CFP: variants seen among roughly 807,000 people sequenced by gnomAD.
CFP encodes the protein complement factor properdin, also known as properdin.
CFP carries 14 observed loss-of-function variants against 42.1 expected under a neutral mutation model. The observed-to-expected ratio is 0.33, with a 90% CI of 0.22 to 0.52. CFP has a LOEUF of 0.52. Ranked by LOEUF, CFP falls within the 20% of genes least tolerant of loss-of-function variation. The probability of loss-of-function intolerance (pLI) is 0.96; values close to 1 mark genes in which losing one functional copy is unlikely to be tolerated. For missense variants in CFP, 318 were observed against 400.4 expected, an observed-to-expected ratio of 0.79 and a Z score of 1.76; for synonymous variants, 149 against 160.6, an observed-to-expected ratio of 0.93 and a Z score of 0.54.
At position 47,623,758 on chromosome X, in the gene CFP, A is replaced by G. The variant is rs2057956690; in HGVS notation, c.*517T>C. On this transcript the variant is annotated 3_prime_UTR_variant, in exon 9 of 9. Transcript: ENST00000396992. ...GGGCGGCAGGGTGCCAGCCTCGGCC[A>G]CGCCTCTGCCGTTCATCCTCGACTG... 4 of 121,412 alleles carry G rather than the reference A, an allele frequency of 3.3e-5. No individual in the cohort carries two copies. The highest frequency in any genetic ancestry group is 1.3e-4 in the African/African-American group (4 of 31,157). The allele number at this position is 121,412 out of a possible 1,213,427, so 10.0% of individuals were successfully genotyped here.
Position 47,629,505 on chromosome X carries a change from A to AC in CFP, c.227+18dup. The AC allele has an allele frequency of 3.6e-6, 1 of 281,209 alleles. No individual in the cohort carries two copies. The highest frequency in any genetic ancestry group is 6.4e-5 in the Admixed American group (1 of 15,575). 23.2% of individuals were successfully genotyped at this position (281,209 alleles called of 1,213,427 possible). On this transcript the variant is annotated intron_variant, in intron 2 of 8. Transcript: ENST00000396992. ...AGTCCTTCCCTCCCCCCCATCCCCC[A>AC]CCCCAGGCTCCCCCTAACCTGCAAG...
At chrX:47,628,799 C>T (rs2057979457) in intron 2 of CFP, 2 of 237,189 alleles carry the variant, frequency 8.4e-6, no homozygotes, top group Non-Finnish European at 1.6e-5. Flanking sequence ...CCCAAGCTCC[C>T]CATGCCCACG....
intron 2 of CFP, 35 bp downstream of exon 2, chrX:47,629,489 C>A (rs2057981781): frequency 2.0e-4 from 134 of 654,145 alleles, no homozygotes; most frequent in Non-Finnish European, 2.9e-4. Flanking sequence ...CAGTCCTTCC[C>A]TCCCCCCCAT....
Position 47,627,306 on chromosome X carries a change from G to A in CFP, c.601C>T (p.Pro201Ser), listed in dbSNP as rs1486754166. ...CAGGAGGCTGAGCAGGGGGTCCAGGGGCCCCAGGTGGCCCAGGCCCCGTGT... is the reference window on the plus strand; with the variant it reads ...CAGGAGGCTGAGCAGGGGGTCCAGGAGCCCCAGGTGGCCCAGGCCCCGTGT... ...PTHGAWATWG[P>S]WTPCSASCHG... is the part of the protein sequence containing the mutation. The change falls in exon 5 of 9, where the codon CCC becomes TCC. Residue 201 changes from proline (P) to serine (S), a missense_variant. Pro to Ser is a moderately conservative substitution (Grantham distance 74). Transcript: ENST00000396992. The A allele has an allele frequency of 8.3e-7, 1 of 1,198,946 alleles. No homozygotes were observed. Among genetic ancestry groups the A allele is most frequent in the Non-Finnish European group, 1.1e-6 (1 of 887,958 alleles).
chrX:47,629,289 C>G (rs2057981126), intron 2 of CFP: 2 of 397,133 alleles, frequency 5.0e-6, no homozygotes, highest in Admixed American at 4.4e-5. Flanking sequence ...TAGTGGAAGG[C>G]TAGGGGTGTT....
At chrX:47,629,084 A>G in intron 2 of CFP, 1 of 159,036 alleles carries the variant, frequency 6.3e-6, no homozygotes. Context: ...AATAAACATG[A>G]GCTGTCATCA....
chrX:47,627,987 T>G, intron 3 of CFP, 115 bp downstream of exon 3: 1 of 904,845 alleles, frequency 1.1e-6, no homozygotes, highest in Admixed American at 2.6e-5. Flanking sequence ...ACCACTCTCC[T>G]CCTTAGGTCC....
chrX:47,626,547 G>T (rs2057969254), intron 6 of CFP, 28 bp from the exon 7 acceptor site: 1 of 1,202,877 alleles, frequency 8.3e-7, no homozygotes, highest in Non-Finnish European at 1.1e-6. Context: ...CAGGGGATTG[G>T]ACCAAAGCAG....
chrX:47,624,162 T>C lies in CFP; in HGVS notation c.*113A>G. On this transcript the variant is annotated 3_prime_UTR_variant, in exon 9 of 9. Transcript: ENST00000396992. ...CCTATGAGATGCTATCACCCTACTT[T>C]TGGGGAAGGGGATAGGTTGTTTTTC... The C allele has an allele frequency of 1.2e-6, 1 of 843,073 alleles. No homozygotes were observed. Among genetic ancestry groups the C allele is most frequent in the Non-Finnish European group, 1.8e-6 (1 of 563,254 alleles). 69.5% of individuals were successfully genotyped at this position (843,073 alleles called of 1,213,427 possible).
In CFP at chrX:47,624,038, C is replaced by T; in HGVS notation, c.*237G>A. On this transcript the variant is annotated 3_prime_UTR_variant, in exon 9 of 9. Transcript: ENST00000396992. ...TGGCAGCGGCGGGGAGAGGCTGGGA[C>T]TGCACACTCGCTTTCACTCCTGCCA... The T allele has an allele frequency of 2.4e-6, 1 of 421,424 alleles. No individual in the cohort carries two copies. The highest frequency in any genetic ancestry group is 3.2e-5 in the South Asian group (1 of 30,897). The allele number at this position is 421,424 out of a possible 1,213,427, so 34.7% of individuals were successfully genotyped here.
chrX:47,624,799 A>C, intron 8 of CFP: 1 of 157,914 alleles, frequency 6.3e-6, no homozygotes, highest in Admixed American at 7.4e-5. Context: ...CCTCATCTGC[A>C]AAATGAGAAT....
Position 47,629,514 on chromosome X carries a change from TC to T in CFP, c.227+9del. The T allele has an allele frequency of 2.2e-6, 1 of 456,287 alleles. No individual in the cohort carries two copies. The highest frequency in any genetic ancestry group is 3.3e-6 in the Non-Finnish European group (1 of 298,875). The allele number at this position is 456,287 out of a possible 1,213,427, so 37.6% of individuals were successfully genotyped here. On this transcript the variant is annotated intron_variant, in intron 2 of 8. Transcript: ENST00000396992. ...CTCCCCCCCATCCCCCACCCCAGGC[TC>T]CCCCTAACCTGCAAGGCTGACAGAG...
chrX:47,624,203 G>A lies in CFP; in HGVS notation c.*72C>T, dbSNP rs1339029814. ...GTTGTTTTTCCTCCTTTAAGGAATC[G>A]TAGACGAACTCGAAGAGGCTAGTTT... On this transcript the variant is annotated 3_prime_UTR_variant, in exon 9 of 9. Coordinates refer to ENST00000396992, the MANE Select transcript of CFP (RefSeq NM_001145252.3). 1.8e-6 allele frequency: 2 copies of A among 1,122,079 alleles called. No homozygotes were observed. Among genetic ancestry groups the A allele is most frequent in the Non-Finnish European group, 2.5e-6 (2 of 815,260 alleles). The allele number at this position is 1,122,079 out of a possible 1,213,427, so 92.5% of individuals were successfully genotyped here. A position where few individuals can be genotyped will look rare whatever the true frequency, so the allele number is the denominator to read the frequency against.
chrX:47,629,709 C>T (rs1046193332), intron 1 of CFP, 35 bp from the exon 2 acceptor site: 89 of 1,162,017 alleles, frequency 7.7e-5, no homozygotes, highest in Non-Finnish European at 1.0e-4. Context: ...GGGTGGGGCT[C>T]GGTCAGGGAT....
Position 47,628,184 on chromosome X carries a change from C to A in CFP, c.321G>T (p.Trp107Cys), listed in dbSNP as rs754681918. The A allele has an allele frequency of 4.9e-5, 59 of 1,209,971 alleles. No individual in the cohort carries two copies. Among genetic ancestry groups the A allele is most frequent in the Non-Finnish European group, 6.5e-5 (58 of 895,177 alleles). The stretch of plus-strand genomic sequence containing the variant: ...CCACCTTTCCAGAGCACTGCCCATT[C>A]CAGCCCACACAGCGCCGGTACCGCA... ...SQLRYRRCVG[W>C]NGQCSGKVAP... Residue 107 changes from tryptophan (W) to cysteine (C), a missense_variant, in exon 3 of 9, where the codon TGG becomes TGT. Physicochemically the swap from Trp to Cys is radical, Grantham distance 215. Transcript: ENST00000396992.
chrX:47,624,522 C>G, intron 8 of CFP, 82 bp from the exon 9 acceptor site: 1 of 682,698 alleles, frequency 1.5e-6, no homozygotes, highest in Non-Finnish European at 2.1e-6. Flanking sequence ...TGAGTGCCTG[C>G]TATATGCCGA....
chrX:47,624,547 TTTTTTTTTTTTCC>T (rs1240738693), intron 8 of CFP, 107 bp from the exon 9 acceptor site: 1 of 650,344 alleles, frequency 1.5e-6, no homozygotes, highest in Non-Finnish European at 2.2e-6. Flanking sequence ...TACTTTTTTT[TTTTTTTTTTTTCC>T]TTTTTTTTTT....
At chrX:47,628,399 G>C in intron 2 of CFP, 122 bp from the exon 3 acceptor site, 2 of 669,322 alleles carry the variant, frequency 3.0e-6, no homozygotes, top group Admixed American at 5.2e-5. Context: ...GGATTGATAA[G>C]TCCTTACCTT....
intron 7 of CFP, 27 bp from the exon 8 acceptor site, chrX:47,626,196 G>A: frequency 4.4e-6 from 5 of 1,138,116 alleles, no homozygotes; most frequent in Non-Finnish European, 5.9e-6. Context: ...GGGTCACAGA[G>A]TCAGAACTGG....
Sources: allele counts gnomAD v4.1 joint callset, GRCh38; gene constraint gnomAD v4.1.1; transcripts MANE v1.5; gene names NCBI Gene and HGNC (gene_info 2026-07-23, HGNC 2026-07-21).